ZBTB7C: variants seen among roughly 807,000 people sequenced by gnomAD.
ZBTB7C encodes the protein zinc finger and BTB domain containing 7C.
Under a neutral mutation model 25.7 loss-of-function variants are expected in ZBTB7C, and 8 were observed. The observed-to-expected ratio is 0.31, with a 90% CI of 0.18 to 0.56. The LOEUF (loss-of-function observed/expected upper bound fraction) is 0.56, where lower values mean the gene tolerates loss of function less well. Among genes scored for constraint, ZBTB7C ranks in the 20% least tolerant of loss-of-function variants. ZBTB7C has a pLI of 0.91. For missense variants in ZBTB7C, 824 were observed against 855.2 expected (o/e 0.96, Z 0.46); for synonymous variants, 394 against 369.0 (o/e 1.07, Z -0.78).
chr18:48,278,443 CTTTTTTTT>C (rs538246350), intron 2 of ZBTB7C, among the ~76,000 whole-genome samples: 1 of 145,942 alleles, frequency 6.9e-6, no homozygotes, highest in African/African-American at 2.5e-5. Context: ...TCTTTTTTTT[CTTTTTTTT>C]TTTTGAGACA....
At chr18:48,400,759 A>G (rs182623068) in intron 1 of ZBTB7C, among the ~76,000 whole-genome samples, 3 of 152,342 alleles carry the variant, frequency 2.0e-5, no homozygotes, top group African/African-American at 4.8e-5. Context: ...AGTTAATTTT[A>G]CCTACTTCTT....
intron 2 of ZBTB7C, among the ~76,000 whole-genome samples, chr18:48,241,659 A>C (rs1459671701): frequency 6.6e-6 from 1 of 151,988 alleles, no homozygotes; most frequent in Non-Finnish European, 1.5e-5. Flanking sequence ...TGAACTGAAC[A>C]ATAATAGTGA....
chr18:48,097,734 T>C (rs2038691265), intron 3 of ZBTB7C, among the ~76,000 whole-genome samples: 1 of 152,186 alleles, frequency 6.6e-6, no homozygotes, highest in Admixed American at 6.5e-5. Flanking sequence ...TGGTTGCCCA[T>C]AGCTTTCCCG....
intron 3 of ZBTB7C, among the ~76,000 whole-genome samples, chr18:48,103,131 T>TCTATCTAA (rs1367166153): frequency 1.4e-5 from 2 of 140,260 alleles, no homozygotes; most frequent in Non-Finnish European, 3.2e-5. Context: ...TATCTATCTA[T>TCTATCTAA]CTATCTATCT....
chr18:48,252,639 G>A (rs1414587307), intron 2 of ZBTB7C: 12 of 152,432 alleles, frequency 7.9e-5, no homozygotes, highest in Non-Finnish European at 1.5e-5. Context: ...TAAGTGACAT[G>A]GGTCTCCCTC....
At chr18:48,276,449 C>A (rs558244870) in intron 2 of ZBTB7C, among the ~76,000 whole-genome samples, 2 of 102,014 alleles carry the variant, frequency 2.0e-5, no homozygotes, top group Non-Finnish European at 3.8e-5. Context: ...ATCCCTCCCC[C>A]CTCCCCCCAC....
In ZBTB7C at chr18:48,144,044, G is replaced by A. The variant is rs2040426893; in HGVS notation, c.-17+41890C>T. Among the ~76,000 whole-genome samples, 6 of 152,270 alleles carry A rather than the reference G, an allele frequency of 3.9e-5. No individual in the cohort carries two copies. In the South Asian group the frequency reaches 1.0e-3, roughly 26 times the overall value. ...TGTAATCTTAGCACTTTGGGAGGCCGAGGTGGGCGGATCACTTCAGGTCAG... is the reference window on the plus strand; with the variant it reads ...TGTAATCTTAGCACTTTGGGAGGCCAAGGTGGGCGGATCACTTCAGGTCAG... On this transcript the variant is annotated intron_variant, in intron 3 of 4. Transcript: ENST00000590800.
chr18:48,369,197 C>T (rs2047327603), intron 1 of ZBTB7C, among the ~76,000 whole-genome samples: 1 of 152,046 alleles, frequency 6.6e-6, no homozygotes, highest in African/African-American at 2.4e-5. Flanking sequence ...AAGGTTTCTA[C>T]ACTTACTCAA....
chr18:48,204,217 C>T (rs189482873), intron 2 of ZBTB7C, among the ~76,000 whole-genome samples: 8 of 152,330 alleles, frequency 5.3e-5, no homozygotes, highest in Admixed American at 3.9e-4. Flanking sequence ...CTCACAGAGA[C>T]AGCAGACGTG....
intron 3 of ZBTB7C, among the ~76,000 whole-genome samples, chr18:48,072,843 TG>T (rs2037601957): frequency 6.6e-6 from 1 of 152,212 alleles, no homozygotes; most frequent in African/African-American, 2.4e-5. Context: ...ATCCTTGGGC[TG>T]GGACCCCAGA....
At chr18:48,053,146 C>T (rs535234187) in intron 3 of ZBTB7C, among the ~76,000 whole-genome samples, 16 of 152,296 alleles carry the variant, frequency 1.1e-4, no homozygotes, top group South Asian at 4.1e-4. Flanking sequence ...GTGCTTGATG[C>T]GTCCCTTCCG....
chr18:48,050,098 AGCG>A (rs2036623760), intron 3 of ZBTB7C, among the ~76,000 whole-genome samples: 1 of 152,214 alleles, frequency 6.6e-6, no homozygotes, highest in Non-Finnish European at 1.5e-5. Context: ...GAGGTTGGGC[AGCG>A]GCTACCTGCG....
At chr18:48,098,848 T>C (rs1253134534) in intron 3 of ZBTB7C, among the ~76,000 whole-genome samples, 1 of 152,184 alleles carries the variant, frequency 6.6e-6, no homozygotes, top group Non-Finnish European at 1.5e-5. Flanking sequence ...GGCACTGAAA[T>C]TGGAGAGGCC....
At chr18:48,222,666 C>A (rs747433195) in intron 2 of ZBTB7C, among the ~76,000 whole-genome samples, 5 of 152,138 alleles carry the variant, frequency 3.3e-5, no homozygotes, top group Admixed American at 3.3e-4. Flanking sequence ...AGGTGAGAGG[C>A]TTTCCACACA....
At chr18:48,291,249 C>A (rs1347059819) in intron 2 of ZBTB7C, among the ~76,000 whole-genome samples, 2 of 152,146 alleles carry the variant, frequency 1.3e-5, no homozygotes, top group Non-Finnish European at 2.9e-5. Context: ...CCAGGCCTCT[C>A]ATCTTGAGTT....
intron 2 of ZBTB7C, among the ~76,000 whole-genome samples, chr18:48,262,879 T>G (rs940846865): frequency 8.5e-5 from 13 of 152,114 alleles, no homozygotes; most frequent in African/African-American, 3.1e-4. Context: ...TATCACTGGA[T>G]GCAGAATCTG....
At chr18:48,345,234 T>C (rs992725139) in intron 1 of ZBTB7C, among the ~76,000 whole-genome samples, 4 of 152,230 alleles carry the variant, frequency 2.6e-5, no homozygotes, top group African/African-American at 9.6e-5. Context: ...AGTAAGAAGC[T>C]GCAGTAGGTG....
chr18:48,262,687 A>C (rs1223510947), intron 2 of ZBTB7C, among the ~76,000 whole-genome samples: 1 of 152,190 alleles, frequency 6.6e-6, no homozygotes, highest in Non-Finnish European at 1.5e-5. Flanking sequence ...ACAGGAACAC[A>C]TTAACACACA....
chr18:48,081,431 G>A (rs1280096978), intron 3 of ZBTB7C, among the ~76,000 whole-genome samples: 1 of 151,344 alleles, frequency 6.6e-6, no homozygotes, highest in East Asian at 1.9e-4. Context: ...CATTCTAAAT[G>A]ATTTCTTTTT....
Sources: gnomAD v4.1 joint callset for allele counts (sites outside exome capture counted in the v4.1 genomes callset) on GRCh38, gnomAD v4.1.1 for gene constraint, MANE v1.5 for transcripts, NCBI Gene and HGNC (gene_info 2026-07-23, HGNC 2026-07-21) for gene names.